Variants in FLT3 observed in about 807,000 individuals in gnomAD.
FLT3 encodes the protein receptor-type tyrosine-protein kinase FLT3.
In FLT3, 46 loss-of-function variants were observed where a neutral mutation model predicts 126.6. The observed-to-expected ratio is 0.36, with a 90% CI of 0.29 to 0.46. FLT3 has a LOEUF of 0.46. Ranked by LOEUF, FLT3 falls within the 20% of genes least tolerant of loss-of-function variation. The pLI, the probability that FLT3 is intolerant of heterozygous loss-of-function variation, is 1.00. For missense variants in FLT3, 1,069 were observed against 1,190.3 expected (o/e 0.90, Z 1.50); for synonymous variants, 404 against 434.4 (o/e 0.93, Z 0.87).
At chr13:28,014,333 C>A in intron 23 of FLT3, 119 bp downstream of exon 23, 1 of 699,640 alleles carries the variant, frequency 1.4e-6, no homozygotes. Context: ...AAGGGCAACC[C>A]AGAAAAACTG....
In FLT3 at chr13:28,048,434, A is replaced by C. The variant is rs537215681; in HGVS notation, c.1046T>G (p.Phe349Cys). 1.3e-6 allele frequency: 2 copies of C among 1,599,920 alleles called. No individual in the cohort carries two copies. Among genetic ancestry groups the C allele is most frequent in the African/African-American group, 1.3e-5 (1 of 74,592 alleles). The change falls in exon 9 of 24, where the codon TTT becomes TGT. Residue 349 changes from phenylalanine (F) to cysteine (C), a missense_variant. Physicochemically the swap from Phe to Cys is radical, Grantham distance 205. Coordinates refer to ENST00000241453, the MANE Select transcript of FLT3 (RefSeq NM_004119.3). ...TTCACTTGAATTGGTAGCATTTATA[A>C]ATCCCTTTTCTGTAAGAAAAAATAG... ...SALVTIVEKG[F>C]INATNSSEDY... is the part of the protein sequence containing the mutation.
At chr13:28,079,796 C>G (rs1054488989) in intron 1 of FLT3, among the ~76,000 whole-genome samples, 9 of 152,102 alleles carry the variant, frequency 5.9e-5, no homozygotes, top group African/African-American at 1.9e-4. Context: ...TAGGTCCCTC[C>G]CACAACATGT....
chr13:28,019,377 T>C (rs1403124003), intron 19 of FLT3, among the ~76,000 whole-genome samples: 3 of 152,114 alleles, frequency 2.0e-5, no homozygotes, highest in Non-Finnish European at 4.4e-5. Flanking sequence ...TTTACTGAAC[T>C]GGAATTAGAA....
At chr13:28,021,898 A>C (rs1220581771) in intron 19 of FLT3, among the ~76,000 whole-genome samples, 1 of 151,744 alleles carries the variant, frequency 6.6e-6, no homozygotes, top group Non-Finnish European at 1.5e-5. Flanking sequence ...GCCCGCCACC[A>C]CACTCGGCTA....
At chr13:28,034,491 A>C in intron 12 of FLT3, 84 bp from the exon 13 acceptor site, 1 of 966,232 alleles carries the variant, frequency 1.0e-6, no homozygotes, top group Non-Finnish European at 1.6e-6. Context: ...ATAATCTCTC[A>C]CATCCTGTTT....
At chr13:28,072,323 C>T (rs560907955) in intron 1 of FLT3, among the ~76,000 whole-genome samples, 29 of 152,136 alleles carry the variant, frequency 1.9e-4, no homozygotes, top group African/African-American at 7.0e-4. Context: ...TATCCATCAG[C>T]TTGTATACTT....
Position 28,100,148 on chromosome 13 carries a change from G to A in FLT3, c.43+320C>T, listed in dbSNP as rs1879725744. 6.6e-6 allele frequency among the ~76,000 whole-genome samples: 1 copy of A among 152,070 alleles called. No homozygotes were observed. Among genetic ancestry groups the A allele is most frequent in the Non-Finnish European group, 1.5e-5 (1 of 67,992 alleles). On this transcript the variant is annotated intron_variant, in intron 1 of 23. Coordinates refer to ENST00000241453, the MANE Select transcript of FLT3 (RefSeq NM_004119.3). This position sits in a 1 kb window ranked among gnomAD's most constrained non-coding sequence, Gnocchi z 4.8. ...GGCCCAGCACCCGAGCGCGCGGGCCGAGCTGCCCCAGACCCGGCGCAGCGC... is the reference window on the plus strand; with the variant it reads ...GGCCCAGCACCCGAGCGCGCGGGCCAAGCTGCCCCAGACCCGGCGCAGCGC...
At chr13:28,019,575 A>G (rs1046686017) in intron 19 of FLT3, among the ~76,000 whole-genome samples, 37 of 151,968 alleles carry the variant, frequency 2.4e-4, no homozygotes, top group African/African-American at 8.5e-4. Context: ...GCCCCTCTAG[A>G]GCTCCCTCCT....
intron 9 of FLT3, among the ~76,000 whole-genome samples, chr13:28,038,624 T>A (rs1030868831): frequency 3.9e-5 from 6 of 151,964 alleles, no homozygotes; most frequent in African/African-American, 1.5e-4. Context: ...GGCTAATTTT[T>A]TATATTTTTT....
intron 12 of FLT3, 132 bp from the exon 13 acceptor site, chr13:28,034,539 A>G (rs1873658797): frequency 3.0e-6 from 2 of 667,958 alleles, no homozygotes; most frequent in African/African-American, 3.6e-5. Context: ...ACCACTCTAC[A>G]TATACTCTAC....
At chr13:28,032,831 G>C (rs1266060053) in intron 15 of FLT3, among the ~76,000 whole-genome samples, 2 of 152,206 alleles carry the variant, frequency 1.3e-5, no homozygotes, top group African/African-American at 4.8e-5. Flanking sequence ...AATTCATGCT[G>C]AACAATCAAG....
chr13:28,020,111 A>C (rs1872249861), intron 19 of FLT3, among the ~76,000 whole-genome samples: 1 of 151,520 alleles, frequency 6.6e-6, no homozygotes, highest in African/African-American at 2.4e-5. Context: ...TCCAAAAAAA[A>C]CTCCTCCTGA....
chr13:28,050,119 C>T lies in FLT3; in HGVS notation c.718G>A (p.Glu240Lys), dbSNP rs1875302057. The T allele has an allele frequency of 1.2e-6, 2 of 1,614,126 alleles. No individual in the cohort carries two copies. The highest frequency in any genetic ancestry group is 1.7e-6 in the Non-Finnish European group (2 of 1,179,978). Reference sequence around the variant, plus strand: ...CCTATTGTGAACAGCCTGGTGCATTCCCTGCCCAGTTCATTTCTGGCACAG... The same window carrying T: ...CCTATTGTGAACAGCCTGGTGCATTTCCTGCCCAGTTCATTTCTGGCACAG... ...RCCARNELGR[E>K]CTRLFTIDLN... The change falls in exon 6 of 24, where the codon GAA becomes AAA. Residue 240 changes from glutamate (E) to lysine (K), a missense_variant. Transcript: ENST00000241453.
At chr13:28,044,957 C>T (rs1033542250) in intron 9 of FLT3, among the ~76,000 whole-genome samples, 3 of 152,124 alleles carry the variant, frequency 2.0e-5, no homozygotes, top group Non-Finnish European at 2.9e-5. Context: ...GGCAGCATAC[C>T]TATTCTTAGA....
chr13:28,057,327 T>A lies in FLT3; in HGVS notation c.484+20A>T, dbSNP rs773417784. On this transcript the variant is annotated intron_variant, in intron 4 of 23. Coordinates refer to ENST00000241453, the MANE Select transcript of FLT3 (RefSeq NM_004119.3). ...ATTGTGGTATTCCAGGCTGGAATAC[T>A]AGTAGCAGGCTGGACTTACTTCTTA... The A allele has an allele frequency of 3.0e-6, 3 of 1,010,574 alleles. No individual in the cohort carries two copies. Among genetic ancestry groups the A allele is most frequent in the East Asian group, 4.7e-5 (2 of 42,238 alleles). The allele number at this position is 1,010,574 out of a possible 1,614,324, so 62.6% of individuals were successfully genotyped here. A position where few individuals can be genotyped will look rare whatever the true frequency, so the allele number is the denominator to read the frequency against.
At chr13:28,092,161 C>T in intron 1 of FLT3, among the ~76,000 whole-genome samples, 1 of 152,298 alleles carries the variant, frequency 6.6e-6, no homozygotes. Context: ...TGGGTAACCC[C>T]CGCCAGGAAC....
At chr13:28,090,136 G>A (rs1400298229) in intron 1 of FLT3, among the ~76,000 whole-genome samples, 1 of 151,712 alleles carries the variant, frequency 6.6e-6, no homozygotes, top group Non-Finnish European at 1.5e-5. Context: ...CGCCTCCCAG[G>A]TTCAAATGAT....
rs997046946 is a variant in FLT3 at position 28,060,824 on chromosome 13, C to T, written c.368+1043G>A. Among the ~76,000 whole-genome samples the T allele has an allele frequency of 2.6e-5, 4 of 151,384 alleles. No homozygotes were observed. In the East Asian group the frequency reaches 6.0e-4, roughly 23 times the overall value. On this transcript the variant is annotated intron_variant, in intron 3 of 23. Transcript: ENST00000241453. ...TTCACCATGTTGTCCAGGCTGGTCTCGAACTCCTGACCTCAGGTGATCCTC... is the reference window on the plus strand; with the variant it reads ...TTCACCATGTTGTCCAGGCTGGTCTTGAACTCCTGACCTCAGGTGATCCTC...
intron 3 of FLT3, among the ~76,000 whole-genome samples, 190 bp downstream of exon 3, chr13:28,061,677 G>T (rs886728392): frequency 1.3e-5 from 2 of 151,774 alleles, no homozygotes; most frequent in South Asian, 2.1e-4. Context: ...GGACTGGGGT[G>T]GGGGGATTAC....
Sources: gnomAD v4.1 joint callset for allele counts (sites outside exome capture counted in the v4.1 genomes callset) on GRCh38, gnomAD v4.1.1 for gene constraint, Gnocchi (gnomAD v3.1) non-coding constraint, MANE v1.5 for transcripts, NCBI Gene and HGNC (gene_info 2026-07-23, HGNC 2026-07-21) for gene names.